The following BUD13 variants were observed in gnomAD, a reference collection of about 807,000 sequenced individuals.
BUD13 encodes BUD13 spliceosome associated protein.
Under a neutral mutation model 62.5 loss-of-function variants are expected in BUD13, and 47 were observed. That is an observed-to-expected ratio of 0.75 (90% CI 0.60 to 0.96). The LOEUF (loss-of-function observed/expected upper bound fraction) is 0.96. BUD13 is among the 40% of genes least tolerant of loss of function. The probability of loss-of-function intolerance (pLI) is 0.00; values close to 1 mark genes in which losing one functional copy is unlikely to be tolerated. For synonymous variants in BUD13, 293 were observed against 280.1 expected (o/e 1.05, Z -0.46); for missense variants, 821 against 790.9 (o/e 1.04, Z -0.46).
intron 1 of BUD13, among the ~76,000 whole-genome samples, chr11:116,771,121 T>C (rs1940620727): frequency 6.6e-6 from 1 of 152,190 alleles, no homozygotes; most frequent in South Asian, 2.1e-4. Context: ...TAACACAAAT[T>C]TAACTTCCTT....
Position 116,767,322 on chromosome 11 carries a change from G to A in BUD13, c.238-1876C>T, listed in dbSNP as rs544887753. On this transcript the variant is annotated intron_variant, in intron 2 of 9. Transcript: ENST00000260210. ...TGTTCAAAGAAACTGGGCCAGGCAC[G>A]GTGGCTCACGTCTGTAATCCCAGCA... Among the ~76,000 whole-genome samples, 11 of 151,926 alleles carry A rather than the reference G, an allele frequency of 7.2e-5. No homozygotes were observed. The South Asian group carries it at 8.3e-4, about 11-fold the overall frequency.
At chr11:116,753,079 A>T (rs991276687) in intron 9 of BUD13, among the ~76,000 whole-genome samples, 14 of 152,362 alleles carry the variant, frequency 9.2e-5, no homozygotes, top group African/African-American at 3.1e-4. Context: ...AACAAAAAAA[A>T]TAGGTATTTG....
In BUD13 at chr11:116,772,936, G is replaced by C. The variant is rs1940658950; in HGVS notation, c.29C>G (p.Ala10Gly). 3 of 1,577,056 alleles carry C rather than the reference G, an allele frequency of 1.9e-6. No individual in the cohort carries two copies. The highest frequency in any genetic ancestry group is 1.4e-5 in the African/African-American group (1 of 72,690). Residue 10 changes from alanine to glycine, a missense_variant, in exon 1 of 10, where the codon GCC becomes GGC. Physicochemically the swap from Ala to Gly is moderately conservative, Grantham distance 60. Transcript: ENST00000260210. ...GGACAAGTAACGCTTCAGATACTCG[G>C]CCTTGGAAAGCGGCGGAGCTGCCGC... Reference protein sequence around the residue: MAAAPPLSKAEYLKRYLSGA... With the variant: MAAAPPLSKGEYLKRYLSGA...
chr11:116,767,326 G>A (rs1020391663), intron 2 of BUD13, among the ~76,000 whole-genome samples: 1 of 151,978 alleles, frequency 6.6e-6, no homozygotes, highest in Non-Finnish European at 1.5e-5. Flanking sequence ...AGGCACGGTG[G>A]CTCACGTCTG....
chr11:116,758,360 T>G lies in BUD13; in HGVS notation c.1408A>C (p.Lys470Gln), dbSNP rs769337957. 2 of 1,614,200 alleles carry G rather than the reference T, an allele frequency of 1.2e-6. No homozygotes were observed. The highest frequency in any genetic ancestry group is 1.7e-6 in the Non-Finnish European group (2 of 1,180,038). The change falls in exon 7 of 10, where the codon AAG (lysine) becomes CAG (glutamine). Residue 470 changes from lysine to glutamine, a missense_variant. Coordinates refer to ENST00000260210, the MANE Select transcript of BUD13 (RefSeq NM_032725.4). ...ETVFRDKSGR[K>Q]RNLKLERLEQ... is the part of the protein sequence containing the mutation. ...AAACGTTCGAGTTTCAAATTCCTCT[T>G]ACGACCAGACTTATCTCGAAATACG...
At chr11:116,748,705 T>C (rs1320638394) in intron 9 of BUD13, 130 bp from the exon 10 acceptor site, 10 of 991,664 alleles carry the variant, frequency 1.0e-5, no homozygotes, top group Non-Finnish European at 1.3e-5. Flanking sequence ...ATTTTAGGCA[T>C]GGCCGGGCAC....
chr11:116,771,607 T>C (rs1167824405), intron 1 of BUD13, among the ~76,000 whole-genome samples: 3 of 152,190 alleles, frequency 2.0e-5, no homozygotes, highest in African/African-American at 7.2e-5. Flanking sequence ...ACACAGCCTA[T>C]AAAGTGGCAC....
intron 9 of BUD13, among the ~76,000 whole-genome samples, chr11:116,753,559 TG>T (rs1310024729): frequency 6.6e-6 from 1 of 152,222 alleles, no homozygotes; most frequent in African/African-American, 2.4e-5. Context: ...GTATCATTCA[TG>T]ATGCGTAGTA....
intron 9 of BUD13, among the ~76,000 whole-genome samples, chr11:116,753,548 T>TAC (rs1940277260): frequency 1.3e-5 from 2 of 152,190 alleles, no homozygotes; most frequent in Non-Finnish European, 2.9e-5. Flanking sequence ...GTCTCTACAG[T>TAC]GTATCATTCA....
At chr11:116,766,365 C>G (rs1940529765) in intron 2 of BUD13, among the ~76,000 whole-genome samples, 1 of 152,212 alleles carries the variant, frequency 6.6e-6, no homozygotes, top group Non-Finnish European at 1.5e-5. Flanking sequence ...GTAACTTTCT[C>G]AATGTCACAA....
At chr11:116,757,430 G>A (rs1940346742) in intron 8 of BUD13, among the ~76,000 whole-genome samples, 1 of 151,810 alleles carries the variant, frequency 6.6e-6, no homozygotes, top group African/African-American at 2.4e-5. Flanking sequence ...CAACTAGCCG[G>A]GATTACAGGC....
rs1238188644 is a variant in BUD13, at chr11:116,757,925, G to C, written c.1525C>G (p.Gln509Glu). The change falls in exon 8 of 10, where the codon CAA (glutamine) becomes GAA (glutamate). Residue 509 changes from glutamine to glutamate, a missense_variant. Physicochemically the swap from Gln to Glu is conservative, Grantham distance 29. Coordinates refer to ENST00000260210, the MANE Select transcript of BUD13 (RefSeq NM_032725.4). ...KGLAQSRQQQ[Q>E]NVEDAMKEMQ... ...TCTTTCATTGCATCCTCCACATTTT[G>C]TTGCTGTTGCCGGCTCTGGGCAAGC... The C allele has an allele frequency of 6.2e-7, 1 of 1,613,996 alleles. No individual in the cohort carries two copies. Among genetic ancestry groups the C allele is most frequent in the East Asian group, 2.2e-5 (1 of 44,886 alleles).
rs1940456009 is a variant in BUD13, at chr11:116,762,846, G to T, written c.743C>A (p.Ser248Tyr). The change falls in exon 4 of 10, where the codon TCC (serine) becomes TAC (tyrosine). Residue 248 changes from serine to tyrosine, a missense_variant. Ser to Tyr is a moderately radical substitution (Grantham distance 144). Around this residue, in one of 2 missense-constraint regions of BUD13, gnomAD observed 800 missense variants for 739.2 expected, o/e 1.08. Coordinates refer to ENST00000260210, the MANE Select transcript of BUD13 (RefSeq NM_032725.4). ...AAGAGTCCTCCTAGATGTGTCAGGG[G>T]AGTTGTTATGGACCCTTCTGGGGGA... ...ISSPRRVHNN[S>Y]PDTSRRTLGS... 1 of 1,613,930 alleles carries T rather than the reference G, an allele frequency of 6.2e-7. No individual in the cohort carries two copies. Among genetic ancestry groups the T allele is most frequent in the South Asian group, 1.1e-5 (1 of 91,074 alleles).
At chr11:116,767,167 GAC>G (rs2134183596) in intron 2 of BUD13, among the ~76,000 whole-genome samples, 1 of 149,542 alleles carries the variant, frequency 6.7e-6, no homozygotes, top group South Asian at 2.1e-4. Context: ...CAGCGTTGGT[GAC>G]AGTGTGAGAA....
intron 3 of BUD13, among the ~76,000 whole-genome samples, chr11:116,764,981 C>T (rs1158844512): frequency 6.6e-6 from 1 of 152,150 alleles, no homozygotes; most frequent in Non-Finnish European, 1.5e-5. Flanking sequence ...AAATGAGTTG[C>T]TTCATTGTGG....
intron 3 of BUD13, 122 bp downstream of exon 3, chr11:116,765,236 GCTTT>G (rs1428667830): frequency 1.0e-6 from 1 of 992,974 alleles, no homozygotes; most frequent in East Asian, 2.4e-5. Flanking sequence ...CCTTTTTCCT[GCTTT>G]ATTTTTCAGG....
chr11:116,758,117 T>A lies in BUD13; in HGVS notation c.1499+152A>T, dbSNP rs1264200594. ...ATACCCACTAGAAGCGTGGAATATATCAATATCCTAGGAAGAAGATTCAGC... is the reference window on the plus strand; with the variant it reads ...ATACCCACTAGAAGCGTGGAATATAACAATATCCTAGGAAGAAGATTCAGC... On this transcript the variant is annotated intron_variant, in intron 7 of 9. Transcript: ENST00000260210. The A allele has an allele frequency of 7.9e-6, 11 of 1,396,518 alleles. No individual in the cohort carries two copies. In the South Asian group the frequency reaches 9.6e-5, roughly 12 times the overall value. 86.5% of individuals were successfully genotyped at this position (1,396,518 alleles called of 1,614,324 possible). A position where few individuals can be genotyped will look rare whatever the true frequency, so the allele number is the denominator to read the frequency against.
rs748461314 is a variant in BUD13 at position 116,762,855 on chromosome 11, T to C, written c.734A>G (p.His245Arg). The change falls in exon 4 of 10, where the codon CAT becomes CGT. Residue 245 changes from histidine (H) to arginine (R), a missense_variant. By Grantham distance (29) the His-to-Arg change is conservative. Transcript: ENST00000260210. ...CCTAGATGTGTCAGGGGAGTTGTTA[T>C]GGACCCTTCTGGGGGAAGAGATATC... ...SSDISSPRRV[H>R]NNSPDTSRRT... 2.5e-6 allele frequency: 4 copies of C among 1,613,972 alleles called. No individual in the cohort carries two copies. The highest frequency in any genetic ancestry group is 3.4e-6 in the Non-Finnish European group (4 of 1,179,970).
At position 116,758,283 on chromosome 11, in the gene BUD13, G is replaced by C; in HGVS notation, c.1485C>G (p.Ala495=). ...EKDSERDELY[A]QWGKGLAQSR... ...GGTTCCCTTACCCTTTTCCCCACTG[G>C]GCATACAGCTCATCTCTCTCTGAGT... The change falls in exon 7 of 10, where the codon GCC becomes GCG. Residue 495 remains alanine, a synonymous_variant. Transcript: ENST00000260210. 6.2e-7 allele frequency: 1 copy of C among 1,614,078 alleles called. No homozygotes were observed. Among genetic ancestry groups the C allele is most frequent in the Non-Finnish European group, 8.5e-7 (1 of 1,180,016 alleles).
Sources: allele counts gnomAD v4.1 joint callset (sites outside exome capture counted in the v4.1 genomes callset), GRCh38; gene constraint gnomAD v4.1.1; regional missense constraint gnomAD v4.1.1; transcripts MANE v1.5; gene names NCBI Gene and HGNC (gene_info 2026-07-23, HGNC 2026-07-21).